The following BROX variants were observed in gnomAD, a reference collection of about 807,000 sequenced individuals.
BROX encodes BRO1 domain-containing protein BROX.
A neutral mutation model predicts 61.0 loss-of-function variants in BROX; 53 were observed. The ratio of observed to expected loss-of-function variants is 0.87; its 90% CI spans 0.70 to 1.09. The LOEUF is 1.09. Ranked by LOEUF, BROX falls within the 50% of genes least tolerant of loss-of-function variation. BROX has a pLI of 0.00. For missense variants in BROX, 489 were observed against 472.0 expected, an observed-to-expected ratio of 1.04 and a Z score of -0.33; for synonymous variants, 152 against 160.2, an observed-to-expected ratio of 0.95 and a Z score of 0.38.
chr1:222,718,726 G>T (rs974376050), intron 2 of BROX, among the ~76,000 whole-genome samples, 199 bp from the exon 3 acceptor site: 5 of 152,220 alleles, frequency 3.3e-5, no homozygotes, highest in Middle Eastern at 3.4e-3. Flanking sequence ...ATTTAGTCCT[G>T]ATTAAATTCA....
chr1:222,727,871 A>G (rs912103679), intron 8 of BROX, among the ~76,000 whole-genome samples: 1 of 152,192 alleles, frequency 6.6e-6, no homozygotes, highest in Non-Finnish European at 1.5e-5. Context: ...CTTATTGTGA[A>G]GTGTAAATAA....
At chr1:222,730,542 G>A (rs1354305919) in intron 11 of BROX, among the ~76,000 whole-genome samples, 1 of 152,112 alleles carries the variant, frequency 6.6e-6, no homozygotes, top group Non-Finnish European at 1.5e-5. Context: ...GCTGCACTGA[G>A]CCATGATTAA....
chr1:222,726,468 G>A lies in BROX; in HGVS notation c.581-700G>A, dbSNP rs574810194. The stretch of plus-strand genomic sequence containing the variant: ...GTGGTGGCTCACGCCTGTAATCTCA[G>A]CACTTTGGGTGGCCGAGGCAGGCAG... On this transcript the variant is annotated intron_variant, in intron 7 of 12. Transcript: ENST00000340934. 1.3e-4 allele frequency among the ~76,000 whole-genome samples: 20 copies of A among 152,310 alleles called. No homozygotes were observed. The South Asian group carries it at 4.1e-3, about 32-fold the overall frequency.
chr1:222,713,381 G>A, intron 1 of BROX: 1 of 985,648 alleles, frequency 1.0e-6, no homozygotes, highest in South Asian at 4.7e-5. Flanking sequence ...GTGGTAAACA[G>A]GAAGTGGGCG....
At chr1:222,725,336 C>T (rs1011201011) in intron 6 of BROX, 114 bp from the exon 7 acceptor site, 2 of 628,958 alleles carry the variant, frequency 3.2e-6, no homozygotes, top group East Asian at 3.0e-5. Context: ...CTCTGAATTT[C>T]TGCTAAGCCT....
Position 222,722,416 on chromosome 1 carries a change from C to T in BROX, c.306-3C>T, listed in dbSNP as rs201711334. ...AACTTAATGATCATGTTTATAATTC[C>T]AGTGCCCAGCAGGATGCTGTTTTTG... On this transcript the variant is annotated splice_region_variant and splice_polypyrimidine_tract_variant and intron_variant, in intron 4 of 12. Coordinates refer to ENST00000340934, the MANE Select transcript of BROX (RefSeq NM_144695.4). 1.2e-6 allele frequency: 2 copies of T among 1,608,422 alleles called. No homozygotes were observed. The highest frequency in any genetic ancestry group is 2.7e-5 in the African/African-American group (2 of 74,868).
rs200721598 is a variant in BROX, at chr1:222,731,527, G to GT, written c.1149+22dup. Reference sequence around the variant, plus strand: ...CCCAAGGATGACAGTGTATGAGATTGTTTTTTTTTTTCCCTCTCATTCACA... The same window carrying GT: ...CCCAAGGATGACAGTGTATGAGATTGTTTTTTTTTTTTCCCTCTCATTCACA... On this transcript the variant is annotated intron_variant, in intron 12 of 12. Coordinates refer to ENST00000340934, the MANE Select transcript of BROX (RefSeq NM_144695.4). The GT allele has an allele frequency of 0.053, 51,394 of 968,440 alleles. No homozygotes were observed. Among genetic ancestry groups the GT allele is most frequent in the South Asian group, 0.067 (3,195 of 47,450 alleles). The allele number at this position is 968,440 out of a possible 1,614,324, so 60.0% of individuals were successfully genotyped here.
chr1:222,719,314 T>G lies in BROX; in HGVS notation c.260T>G (p.Ile87Ser), dbSNP rs1325290500. The stretch of plus-strand genomic sequence containing the variant: ...ACCCAAGAAAGCAAGTTACGATATA[T>G]TCAAAATTTCAAGTGGACTGATACA... ...ESTQESKLRY[I>S]QNFKWTDTLQ... Residue 87 changes from isoleucine (I) to serine (S), a missense_variant, in exon 4 of 13, where the codon ATT becomes AGT. Ile to Ser is a moderately radical substitution (Grantham distance 142, BLOSUM62 -2). Transcript: ENST00000340934. 4 of 1,609,508 alleles carry G rather than the reference T, an allele frequency of 2.5e-6. No homozygotes were observed. The highest frequency in any genetic ancestry group is 1.3e-5 in the African/African-American group (1 of 74,806).
intron 10 of BROX, 135 bp from the exon 11 acceptor site, chr1:222,729,892 A>T: frequency 2.0e-6 from 2 of 1,010,534 alleles, no homozygotes; most frequent in Non-Finnish European, 2.9e-6. Context: ...TTCTACTTAC[A>T]GTATTATTAT....
chr1:222,712,658 G>T lies in BROX; in HGVS notation c.-301G>T, dbSNP rs1158008412. 1.5e-6 allele frequency: 2 copies of T among 1,311,740 alleles called. No individual in the cohort carries two copies. Among genetic ancestry groups the T allele is most frequent in the East Asian group, 9.7e-5 (2 of 20,686 alleles). The allele number at this position is 1,311,740 out of a possible 1,614,324, so 81.3% of individuals were successfully genotyped here. A position where few individuals can be genotyped will look rare whatever the true frequency, so the allele number is the denominator to read the frequency against. On this transcript the variant is annotated 5_prime_UTR_variant, in exon 1 of 13. Transcript: ENST00000340934. ...CTTCCTGTCTGGGAAAAAGACCATA[G>T]CTCAAAAGGAAGGCCGAGGGAGAAG...
At chr1:222,713,235 CCA>C in intron 1 of BROX, 7 of 986,348 alleles carry the variant, frequency 7.1e-6, no homozygotes, top group Non-Finnish European at 8.4e-6. Flanking sequence ...CGTTGTCTGG[CCA>C]CCTCTCCCGG....
chr1:222,733,075 T>C lies in BROX; in HGVS notation c.*361T>C, dbSNP rs868117877. On this transcript the variant is annotated 3_prime_UTR_variant, in exon 13 of 13. Coordinates refer to ENST00000340934, the MANE Select transcript of BROX (RefSeq NM_144695.4). ...CTTTTTTCTTTTTCTTTTTTTTTTT[T>C]CTTTTTTTTTTTTTTTTTTTTTGAG... The C allele has an allele frequency of 3.5e-3, 500 of 142,334 alleles. 8 individuals are homozygous for C. Among genetic ancestry groups the C allele is most frequent in the African/African-American group, 6.5e-3 (237 of 36,530 alleles). 8.8% of individuals were successfully genotyped at this position (142,334 alleles called of 1,614,324 possible). A position where few individuals can be genotyped will look rare whatever the true frequency, so the allele number is the denominator to read the frequency against.
chr1:222,732,729 T>G lies in BROX; in HGVS notation c.*15T>G. ...ACATCTCCTAAAATACAACTTGCAC[T>G]TAGAATTTCTCTAGCAGTAAATAAG... On this transcript the variant is annotated 3_prime_UTR_variant, in exon 13 of 13. Transcript: ENST00000340934. 1 of 1,580,146 alleles carries G rather than the reference T, an allele frequency of 6.3e-7. No individual in the cohort carries two copies. The highest frequency in any genetic ancestry group is 8.7e-7 in the Non-Finnish European group (1 of 1,153,386).
At chr1:222,719,456 C>T in intron 4 of BROX, 97 bp downstream of exon 4, 2 of 793,390 alleles carry the variant, frequency 2.5e-6, no homozygotes, top group South Asian at 3.4e-5. Context: ...AAGAAAAATA[C>T]AGGTCTGCTC....
chr1:222,713,306 T>TG, intron 1 of BROX: 7 of 985,854 alleles, frequency 7.1e-6, no homozygotes, highest in Non-Finnish European at 8.4e-6. Flanking sequence ...ACTCAAGTGT[T>TG]GGCGCGTGCG....
At position 222,719,312 on chromosome 1, in the gene BROX, T is replaced by C. The variant is rs146216028; in HGVS notation, c.258T>C (p.Tyr86=). The change falls in exon 4 of 13, where the codon TAT becomes TAC. Residue 86 remains tyrosine (Y), a synonymous_variant. Transcript: ENST00000340934. ...CTACCCAAGAAAGCAAGTTACGATA[T>C]ATTCAAAATTTCAAGTGGACTGATA... ...DESTQESKLR[Y]IQNFKWTDTL... The C allele has an allele frequency of 4.2e-5, 68 of 1,609,308 alleles. No homozygotes were observed. Among genetic ancestry groups the C allele is most frequent in the South Asian group, 2.6e-4 (24 of 90,976 alleles).
intron 4 of BROX, among the ~76,000 whole-genome samples, chr1:222,721,831 C>T (rs1657117618): frequency 6.6e-6 from 1 of 152,112 alleles, no homozygotes; most frequent in African/African-American, 2.4e-5. Context: ...CCTTCTGCTC[C>T]AGTCAAGCTC....
At chr1:222,726,633 C>T (rs1657522669) in intron 7 of BROX, among the ~76,000 whole-genome samples, 1 of 151,992 alleles carries the variant, frequency 6.6e-6, no homozygotes. Flanking sequence ...AGGAGAATCG[C>T]TTGAACCTGG....
In BROX at chr1:222,734,089, CAATT is replaced by C. The variant is rs1370888450; in HGVS notation, c.*1377_*1380del. 3 of 152,276 alleles carry C rather than the reference CAATT, an allele frequency of 2.0e-5. No homozygotes were observed. The highest frequency in any genetic ancestry group is 1.9e-4 in the East Asian group (1 of 5,186). The allele number at this position is 152,276 out of a possible 1,614,324, so 9.4% of individuals were successfully genotyped here. ...TAAAAATAGATTGTAACATTTTAAA[CAATT>C]AGTTTAGTAATTTGGGAAATAGTGG... is the stretch of plus-strand genomic sequence containing the variant. On this transcript the variant is annotated 3_prime_UTR_variant, in exon 13 of 13. Transcript: ENST00000340934.
Sources: allele counts gnomAD v4.1 joint callset (sites outside exome capture counted in the v4.1 genomes callset), GRCh38; gene constraint gnomAD v4.1.1; transcripts MANE v1.5; gene names NCBI Gene and HGNC (gene_info 2026-07-23, HGNC 2026-07-21).